The following ALDH1L2 variants were observed in gnomAD, a reference collection of about 807,000 sequenced individuals.
ALDH1L2 encodes mitochondrial 10-formyltetrahydrofolate dehydrogenase.
In ALDH1L2, 91 loss-of-function variants were observed where a neutral mutation model predicts 111.0. That is an observed-to-expected ratio of 0.82 (90% CI 0.69 to 0.98). The LOEUF is 0.98. Ranked by LOEUF, ALDH1L2 falls within the 50% of genes least tolerant of loss-of-function variation. The probability of loss-of-function intolerance (pLI) is 0.00; values close to 1 mark genes in which losing one functional copy is unlikely to be tolerated. For synonymous variants in ALDH1L2, 374 were observed against 392.6 expected (o/e 0.95, Z 0.56); for missense variants, 995 against 1,126.8 (o/e 0.88, Z 1.67).
chr12:105,035,835 A>ATGTGTGTG (rs569473287), intron 18 of ALDH1L2, among the ~76,000 whole-genome samples: 1 of 99,064 alleles, frequency 1.0e-5, no homozygotes, highest in Non-Finnish European at 1.8e-5. Flanking sequence ...CTATATATAT[A>ATGTGTGTG]TATATGTGTG....
At position 105,035,868 on chromosome 12, in the gene ALDH1L2, TACAC is replaced by T. The variant is rs369417499; in HGVS notation, c.2146-1474_2146-1471del. On this transcript the variant is annotated intron_variant, in intron 18 of 22. Coordinates refer to ENST00000258494, the MANE Select transcript of ALDH1L2 (RefSeq NM_001034173.4). Reference sequence around the variant, plus strand: ...GTGTGTGTGTGTGTGTGTGTGTGTATACACACACACATATATATACGTATATTTA... The same window carrying T: ...GTGTGTGTGTGTGTGTGTGTGTGTATACACACATATATATACGTATATTTA... Among the ~76,000 whole-genome samples, 8 of 96,280 alleles carry T rather than the reference TACAC, an allele frequency of 8.3e-5. 2 individuals are homozygous for T. In the East Asian group the frequency reaches 2.1e-3, roughly 25 times the overall value. 63.2% of individuals were successfully genotyped at this position (96,280 alleles called of 152,430 possible).
chr12:105,083,833 G>A (rs34029645), intron 1 of ALDH1L2, among the ~76,000 whole-genome samples: 4 of 152,156 alleles, frequency 2.6e-5, no homozygotes, highest in Non-Finnish European at 5.9e-5. Flanking sequence ...GGCAATTCTA[G>A]AAATTTTGCC....
chr12:105,082,326 G>A (rs377582907), intron 1 of ALDH1L2, among the ~76,000 whole-genome samples: 1 of 152,126 alleles, frequency 6.6e-6, no homozygotes, highest in Non-Finnish European at 1.5e-5. Flanking sequence ...TTCCATTACC[G>A]CCCAAATTCC....
intron 15 of ALDH1L2, among the ~76,000 whole-genome samples, chr12:105,041,558 C>G (rs1355767077): frequency 6.6e-6 from 1 of 152,152 alleles, no homozygotes; most frequent in East Asian, 1.9e-4. Context: ...TGGGGAGATA[C>G]TCCTCAAATT....
intron 1 of ALDH1L2, among the ~76,000 whole-genome samples, chr12:105,081,253 T>C (rs1257954210): frequency 1.3e-5 from 2 of 152,222 alleles, no homozygotes; most frequent in Non-Finnish European, 2.9e-5. Flanking sequence ...CATCTATTAA[T>C]ATTATATCCT....
At chr12:105,057,190 A>T (rs1184177913) in intron 10 of ALDH1L2, among the ~76,000 whole-genome samples, 1 of 152,124 alleles carries the variant, frequency 6.6e-6, no homozygotes, top group Admixed American at 6.5e-5. Context: ...ATTAGGGAAT[A>T]CAAATGAAAA....
Position 105,040,708 on chromosome 12 carries a change from A to G in ALDH1L2, c.1864-14T>C, listed in dbSNP as rs2136061915. ...CAAGGGCGTGACCTGAGGAGAAGCA[A>G]ACAGCAATTACCTTCTTCAGGCCCT... On this transcript the variant is annotated splice_polypyrimidine_tract_variant and intron_variant, in intron 15 of 22. Coordinates refer to ENST00000258494, the MANE Select transcript of ALDH1L2 (RefSeq NM_001034173.4). The G allele has an allele frequency of 1.9e-6, 3 of 1,613,120 alleles. No individual in the cohort carries two copies. The South Asian group carries it at 3.3e-5, about 18-fold the overall frequency.
chr12:105,033,293 A>G (rs777822561), intron 19 of ALDH1L2, among the ~76,000 whole-genome samples: 2 of 152,230 alleles, frequency 1.3e-5, no homozygotes, highest in African/African-American at 4.8e-5. Flanking sequence ...ATGTACTGAT[A>G]TAGCAAATCC....
chr12:105,038,263 CACACACACACACACAA>C (rs1188237227), intron 17 of ALDH1L2, 61 bp from the exon 18 acceptor site: 88 of 581,462 alleles, frequency 1.5e-4, no homozygotes, highest in African/African-American at 6.2e-4. Context: ...CTCTCTCTCA[CACACACACACACACAA>C]ACACACACAC....
Position 105,070,770 on chromosome 12 carries a change from G to T in ALDH1L2, c.228C>A (p.Phe76Leu). The part of the protein sequence containing the change: ...LAAEKDGTPV[F>L]KLPKWRVKGK... ...CCTTGACCCTCCATTTAGGAAGCTT[G>T]AACACAGGGGTCCCATCTTTCTCTG... is the stretch of plus-strand genomic sequence containing the variant. Residue 76 changes from phenylalanine to leucine, a missense_variant, in exon 3 of 23, where the codon TTC becomes TTA. By Grantham distance (22) the Phe-to-Leu change is conservative. Coordinates refer to ENST00000258494, the MANE Select transcript of ALDH1L2 (RefSeq NM_001034173.4). 2 of 1,614,108 alleles carry T rather than the reference G, an allele frequency of 1.2e-6. No homozygotes were observed. The highest frequency in any genetic ancestry group is 1.7e-6 in the Non-Finnish European group (2 of 1,180,008).
At chr12:105,060,261 G>A (rs577543917) in intron 9 of ALDH1L2, among the ~76,000 whole-genome samples, 98 of 152,238 alleles carry the variant, frequency 6.4e-4, no homozygotes, top group Middle Eastern at 6.8e-3. Context: ...AATATCAGGT[G>A]TCAGATATTA....
At chr12:105,064,799 C>T (rs7959931) in intron 6 of ALDH1L2, among the ~76,000 whole-genome samples, 3,196 of 152,266 alleles carry the variant, frequency 0.021, 79 homozygotes, top group East Asian at 0.053. Context: ...CCGCCTCTCC[C>T]GCCTCAGCTC....
At chr12:105,033,240 GATGA>G (rs1342991429) in intron 19 of ALDH1L2, among the ~76,000 whole-genome samples, 2 of 151,780 alleles carry the variant, frequency 1.3e-5, no homozygotes, top group African/African-American at 4.9e-5. Flanking sequence ...AAATGCTGCT[GATGA>G]ATGAATATGA....
intron 18 of ALDH1L2, among the ~76,000 whole-genome samples, chr12:105,036,501 GTATATATATATTTTATATA>G (rs1875112081): frequency 3.1e-5 from 1 of 32,106 alleles, no homozygotes; most frequent in African/African-American, 1.1e-4. Flanking sequence ...ATTTATATAT[GTATATATATATTTTATATA>G]TATATATATA....
intron 18 of ALDH1L2, among the ~76,000 whole-genome samples, chr12:105,036,517 TATATATA>T (rs1875133800): frequency 2.1e-4 from 1 of 4,702 alleles, no homozygotes; most frequent in African/African-American, 2.6e-3. Context: ...ATATATTTTA[TATATATA>T]TATATATATA....
chr12:105,071,894 G>A (rs895163507), intron 2 of ALDH1L2, among the ~76,000 whole-genome samples: 1 of 148,962 alleles, frequency 6.7e-6, no homozygotes, highest in Non-Finnish European at 1.5e-5. Flanking sequence ...TGAGACCAGC[G>A]TGGACAACAT....
At chr12:105,026,521 T>G in intron 22 of ALDH1L2, 24 bp downstream of exon 22, 1 of 1,613,222 alleles carries the variant, frequency 6.2e-7, no homozygotes, top group Middle Eastern at 1.7e-4. Context: ...AAAGGGAAGG[T>G]GAAGCAGAAA....
intron 21 of ALDH1L2, among the ~76,000 whole-genome samples, chr12:105,029,687 A>G (rs370259663): frequency 6.6e-6 from 1 of 151,300 alleles, no homozygotes; most frequent in Non-Finnish European, 1.5e-5. Context: ...TCTATTCTTT[A>G]TTTTTTTTTC....
chr12:105,070,132 C>T (rs1228959214), intron 3 of ALDH1L2, among the ~76,000 whole-genome samples: 1 of 152,134 alleles, frequency 6.6e-6, no homozygotes, highest in Non-Finnish European at 1.5e-5. Context: ...CAAATGAATC[C>T]TGCAATTAAA....
Sources: gnomAD v4.1 joint callset for allele counts (sites outside exome capture counted in the v4.1 genomes callset) on GRCh38, gnomAD v4.1.1 for gene constraint, MANE v1.5 for transcripts, NCBI Gene and HGNC (gene_info 2026-07-23, HGNC 2026-07-21) for gene names.